The following NOL10 variants were observed in gnomAD, a reference collection of about 807,000 sequenced individuals.
The protein encoded by NOL10 is nucleolar protein 10.
A neutral mutation model predicts 103.5 loss-of-function variants in NOL10; 58 were observed. That is an observed-to-expected ratio of 0.56 (90% CI 0.45 to 0.70). The LOEUF (loss-of-function observed/expected upper bound fraction) is 0.70. Among genes scored for constraint, NOL10 ranks in the 30% least tolerant of loss-of-function variants. The pLI, the probability that NOL10 is intolerant of heterozygous loss-of-function variation, is 0.00. For missense variants in NOL10, 763 were observed against 807.3 expected (o/e 0.95, Z 0.67); for synonymous variants, 287 against 282.5 (o/e 1.02, Z -0.16).
intron 6 of NOL10, among the ~76,000 whole-genome samples, chr2:10,669,240 G>A (rs1404976100): frequency 6.6e-6 from 1 of 151,168 alleles, no homozygotes; most frequent in Non-Finnish European, 1.5e-5. Context: ...TGTTGGCCAG[G>A]CTGGTCTCAA....
intron 17 of NOL10, among the ~76,000 whole-genome samples, chr2:10,595,820 G>A (rs1431141788): frequency 6.6e-6 from 1 of 151,802 alleles, no homozygotes; most frequent in Non-Finnish European, 1.5e-5. Context: ...GGCCAGAGTG[G>A]TCTCAAACTC....
intron 1 of NOL10, among the ~76,000 whole-genome samples, chr2:10,687,975 A>G (rs1264529300): frequency 6.6e-6 from 1 of 152,110 alleles, no homozygotes; most frequent in Non-Finnish European, 1.5e-5. Flanking sequence ...CCACCTTTCA[A>G]TGTGTTCCTT....
intron 13 of NOL10, among the ~76,000 whole-genome samples, chr2:10,636,869 G>A (rs1033993406): frequency 6.6e-6 from 1 of 152,106 alleles, no homozygotes; most frequent in Non-Finnish European, 1.5e-5. Flanking sequence ...ACCACAGACA[G>A]AAGTTAAAAT....
At chr2:10,627,553 T>C (rs1159734136) in intron 13 of NOL10, among the ~76,000 whole-genome samples, 2 of 152,026 alleles carry the variant, frequency 1.3e-5, no homozygotes, top group African/African-American at 2.4e-5. Flanking sequence ...CGGGTGCCTG[T>C]AGTCCCAGCT....
intron 19 of NOL10, among the ~76,000 whole-genome samples, chr2:10,587,192 CACAT>C (rs1393962409): frequency 3.8e-5 from 1 of 26,492 alleles, no homozygotes; most frequent in Non-Finnish European, 7.1e-5. Context: ...CATATATATA[CACAT>C]ATATATACAC....
At position 10,632,146 on chromosome 2, in the gene NOL10, T is replaced by C. The variant is rs544978322; in HGVS notation, c.1026+12174A>G. On this transcript the variant is annotated intron_variant, in intron 13 of 20. Transcript: ENST00000381685. ...CAGGTCACTCTCACTTGTGTGCTCA[T>C]TAATTTTTCCACACCCATTAAGTGA... Among the ~76,000 whole-genome samples the C allele has an allele frequency of 2.6e-5, 4 of 152,298 alleles. No individual in the cohort carries two copies. The South Asian group carries it at 8.3e-4, about 32-fold the overall frequency.
At chr2:10,653,255 A>G (rs1293007354) in intron 12 of NOL10, among the ~76,000 whole-genome samples, 3 of 151,868 alleles carry the variant, frequency 2.0e-5, no homozygotes, top group Non-Finnish European at 4.4e-5. Context: ...GAGTGAGTAC[A>G]CCTAGTATAA....
At chr2:10,669,690 G>A (rs774268979) in intron 6 of NOL10, among the ~76,000 whole-genome samples, 108 of 150,852 alleles carry the variant, frequency 7.2e-4, no homozygotes, top group Non-Finnish European at 7.7e-4. Context: ...TCAAGAGACC[G>A]AGACCATCCT....
At chr2:10,579,097 C>G (rs955580971) in intron 19 of NOL10, among the ~76,000 whole-genome samples, 6 of 152,186 alleles carry the variant, frequency 3.9e-5, no homozygotes, top group Non-Finnish European at 8.8e-5. Context: ...CTTTGAAATT[C>G]TGAAGCTAAT....
chr2:10,607,229 T>G lies in NOL10; in HGVS notation c.1109A>C (p.Tyr370Ser). The G allele has an allele frequency of 6.2e-7, 1 of 1,607,602 alleles. No individual in the cohort carries two copies. The highest frequency in any genetic ancestry group is 8.5e-7 in the Non-Finnish European group (1 of 1,176,250). Residue 370 changes from tyrosine to serine, a missense_variant, in exon 14 of 21, where the codon TAT (tyrosine) becomes TCT (serine). Coordinates refer to ENST00000381685, the MANE Select transcript of NOL10 (RefSeq NM_024894.4). ...CTTGGTGACAAATTTATAATCATCA[T>G]AGACTGTGCTTTCTGGATTCTCTTC... Reference protein sequence around the residue: ...ELEENPESTVYDDYKFVTKKD... With the variant: ...ELEENPESTVSDDYKFVTKKD...
rs1674183056 is a variant in NOL10, at chr2:10,571,622, C to CAGGCAA, written c.*443_*448dup. On this transcript the variant is annotated 3_prime_UTR_variant, in exon 21 of 21. Coordinates refer to ENST00000381685, the MANE Select transcript of NOL10 (RefSeq NM_024894.4). The stretch of plus-strand genomic sequence containing the variant: ...CAGCATAAACTTATAAACACAAACA[C>CAGGCAA]AGGCAATACACAGACACCAGGTAAA... 1 of 153,534 alleles carries CAGGCAA rather than the reference C, an allele frequency of 6.5e-6. No individual in the cohort carries two copies. Among genetic ancestry groups the CAGGCAA allele is most frequent in the Non-Finnish European group, 1.4e-5 (1 of 69,066 alleles). The allele number at this position is 153,534 out of a possible 1,614,324, so 9.5% of individuals were successfully genotyped here.
intron 18 of NOL10, 103 bp from the exon 19 acceptor site, chr2:10,589,393 T>G: frequency 6.9e-7 from 1 of 1,455,214 alleles, no homozygotes; most frequent in South Asian, 1.3e-5. Flanking sequence ...GCCTAACAGC[T>G]GCTCTACTGC....
At chr2:10,607,750 T>TTTATTATTATTATTATTATTA (rs373298093) in intron 13 of NOL10, among the ~76,000 whole-genome samples, 7,640 of 144,652 alleles carry the variant, frequency 0.053, 368 homozygotes, top group East Asian at 0.2. Context: ...AAAAACAATA[T>TTTATTATTATTATTATTATTA]TTATTATTAT....
intron 11 of NOL10, among the ~76,000 whole-genome samples, chr2:10,655,679 C>T (rs547619994): frequency 6.6e-6 from 1 of 151,732 alleles, no homozygotes; most frequent in East Asian, 1.9e-4. Context: ...TCATAAGAAA[C>T]AAAAAAAATG....
intron 13 of NOL10, among the ~76,000 whole-genome samples, chr2:10,642,299 C>A (rs1011760546): frequency 2.0e-5 from 3 of 152,214 alleles, no homozygotes; most frequent in Non-Finnish European, 4.4e-5. Context: ...CTCACATTAT[C>A]CCAGAACCCC....
intron 6 of NOL10, among the ~76,000 whole-genome samples, chr2:10,670,460 C>A (rs755442929): frequency 6.6e-6 from 1 of 152,098 alleles, no homozygotes. Context: ...CAGGGCCGGG[C>A]ACCGTGGCTC....
At chr2:10,587,299 T>C (rs1458793943) in intron 19 of NOL10, among the ~76,000 whole-genome samples, 1 of 125,496 alleles carries the variant, frequency 8.0e-6, no homozygotes, top group East Asian at 2.3e-4. Context: ...TGAGATGGAG[T>C]CTAGTTCTGT....
At chr2:10,664,217 G>A (rs961711746) in intron 8 of NOL10, among the ~76,000 whole-genome samples, 14 of 151,902 alleles carry the variant, frequency 9.2e-5, no homozygotes, top group Non-Finnish European at 2.1e-4. Flanking sequence ...GATCACCTGA[G>A]GTCAGGAGTT....
intron 6 of NOL10, 67 bp downstream of exon 6, chr2:10,671,487 G>T: frequency 1.6e-6 from 2 of 1,281,632 alleles, no homozygotes; most frequent in Non-Finnish European, 2.0e-6. Flanking sequence ...AAATGTACAC[G>T]AAATTTAGGA....
Sources: gnomAD v4.1 joint callset for allele counts (sites outside exome capture counted in the v4.1 genomes callset) on GRCh38, gnomAD v4.1.1 for gene constraint, MANE v1.5 for transcripts, NCBI Gene and HGNC (gene_info 2026-07-23, HGNC 2026-07-21) for gene names.